Variants in TOX2 observed in about 807,000 individuals in gnomAD.
TOX2 encodes granulosa cell HMG box 1.
Under a neutral mutation model 47.4 loss-of-function variants are expected in TOX2, and 15 were observed. The ratio of observed to expected loss-of-function variants is 0.32; its 90% CI spans 0.21 to 0.49. The LOEUF is 0.49. Among genes scored for constraint, TOX2 ranks in the 20% least tolerant of loss-of-function variants. The pLI, the probability that TOX2 is intolerant of heterozygous loss-of-function variation, is 0.99. For synonymous variants in TOX2, 290 were observed against 296.6 expected, an observed-to-expected ratio of 0.98 and a Z score of 0.23; for missense variants, 622 against 673.1, an observed-to-expected ratio of 0.92 and a Z score of 0.84.
rs564781737 is a variant in TOX2, at chr20:43,935,160, G to A, written c.99+20170G>A. On this transcript the variant is annotated intron_variant, in intron 1 of 8. Coordinates refer to ENST00000341197, the MANE Select transcript of TOX2 (RefSeq NM_001098797.2). The stretch of plus-strand genomic sequence containing the variant: ...TGAAGACAGATTGGGCTTGGGGTGC[G>A]TCAGGACCTTGTGGGGAGGATTCGG... Among the ~76,000 whole-genome samples, 19 of 152,238 alleles carry A rather than the reference G, an allele frequency of 1.2e-4. No individual in the cohort carries two copies. The East Asian group carries it at 1.4e-3, about 11-fold the overall frequency.
intron 1 of TOX2, among the ~76,000 whole-genome samples, chr20:43,953,213 C>T (rs1023207267): frequency 2.4e-5 from 3 of 124,330 alleles, no homozygotes; most frequent in Non-Finnish European, 5.2e-5. Context: ...AGACTTCGGG[C>T]TTTCCAGAAC....
At chr20:44,062,126 A>G (rs905655315) in intron 5 of TOX2, among the ~76,000 whole-genome samples, 5 of 152,002 alleles carry the variant, frequency 3.3e-5, no homozygotes, top group Admixed American at 2.0e-4. Context: ...GCAATCAGAC[A>G]AGAGAAAGAA....
chr20:43,925,823 T>A (rs563485248), intron 1 of TOX2, among the ~76,000 whole-genome samples: 2 of 152,292 alleles, frequency 1.3e-5, no homozygotes, highest in East Asian at 1.9e-4. Flanking sequence ...TTTGTCCCCA[T>A]TTTTTTAGGT....
chr20:43,966,207 G>A lies in TOX2; in HGVS notation c.100-7160G>A, dbSNP rs146747258. ...AAGTGAAGTTAAAGTCACTGAGCTC[G>A]TAAGTAGTGGAACCAGTCGTCAGAT... On this transcript the variant is annotated intron_variant, in intron 1 of 8. Transcript: ENST00000341197. 3.1e-3 allele frequency among the ~76,000 whole-genome samples: 472 copies of A among 152,298 alleles called. 4 individuals carry two copies. Among genetic ancestry groups the A allele is most frequent in the African/African-American group, 0.011 (445 of 41,568 alleles).
intron 2 of TOX2, among the ~76,000 whole-genome samples, chr20:43,973,700 C>T (rs771718072): frequency 9.8e-5 from 15 of 152,354 alleles, no homozygotes; most frequent in Admixed American, 4.6e-4. Context: ...ATACTCCCCA[C>T]GCTTGGGGCA....
intron 3 of TOX2, among the ~76,000 whole-genome samples, chr20:44,029,062 C>T (rs1194811436): frequency 6.6e-6 from 1 of 152,180 alleles, no homozygotes; most frequent in African/African-American, 2.4e-5. Flanking sequence ...CAAGCTTCGT[C>T]CCTTCCTTGG....
chr20:43,953,754 G>A (rs756011935), intron 1 of TOX2, among the ~76,000 whole-genome samples: 1 of 152,164 alleles, frequency 6.6e-6, no homozygotes, highest in African/African-American at 2.4e-5. Context: ...AGAGAAAGAG[G>A]TGGATCTTTG....
chr20:43,916,130 A>G lies in TOX2; in HGVS notation c.99+1140A>G, dbSNP rs2069052304. On this transcript the variant is annotated intron_variant, in intron 1 of 8. Transcript: ENST00000341197. The surrounding 1 kb of genome is among the most constrained non-coding windows in gnomAD (Gnocchi z 5.0). ...CTGGAGCCAAGCGCGGGTTTTCGTC[A>G]CTCGGAGCCCGGATTGAACAGCGCG... is the stretch of plus-strand genomic sequence containing the variant. The G allele has an allele frequency of 1.0e-6, 1 of 985,358 alleles. No individual in the cohort carries two copies. Among genetic ancestry groups the G allele is most frequent in the Non-Finnish European group, 1.2e-6 (1 of 829,964 alleles). 61.0% of individuals were successfully genotyped at this position (985,358 alleles called of 1,614,324 possible).
chr20:43,988,183 G>T (rs995829679), intron 2 of TOX2, among the ~76,000 whole-genome samples: 1 of 152,134 alleles, frequency 6.6e-6, no homozygotes, highest in Non-Finnish European at 1.5e-5. Flanking sequence ...CTCCCAAAGT[G>T]CTGGGATTAC....
chr20:43,964,774 G>A (rs956321016), intron 1 of TOX2, among the ~76,000 whole-genome samples: 5 of 152,138 alleles, frequency 3.3e-5, no homozygotes, highest in African/African-American at 9.7e-5. Context: ...TTTCTAGGGG[G>A]TTCCAGTGAG....
At chr20:43,936,426 C>T (rs1177169127) in intron 1 of TOX2, among the ~76,000 whole-genome samples, 1 of 152,274 alleles carries the variant, frequency 6.6e-6, no homozygotes. Context: ...ATAACCATTT[C>T]ATTAAGCTCA....
rs6103551 is a variant in TOX2, at chr20:43,992,930, G to C, written c.166-13617G>C. On this transcript the variant is annotated intron_variant, in intron 2 of 8. Coordinates refer to ENST00000341197, the MANE Select transcript of TOX2 (RefSeq NM_001098797.2). ...TGATTTGCTGATCCGAACTGATTTA[G>C]GAATGTTGACATGTCCAAAACTGAG... is the stretch of plus-strand genomic sequence containing the variant. 7.9e-5 allele frequency among the ~76,000 whole-genome samples: 12 copies of C among 151,718 alleles called. No homozygotes were observed. In the East Asian group the frequency reaches 1.9e-3, roughly 24 times the overall value.
At chr20:44,064,645 T>C in intron 5 of TOX2, 132 bp from the exon 6 acceptor site, 1 of 799,770 alleles carries the variant, frequency 1.3e-6, no homozygotes, top group Non-Finnish European at 2.0e-6. Flanking sequence ...AGTGGCTGGC[T>C]GACTCAGCTT....
In TOX2 at chr20:44,052,020, G is replaced by A. The variant is rs186525703; in HGVS notation, c.651+475G>A. ...AAGGCCAGTGGGCGATTTCAGAGGTGTGGACGGCTTCAGCAAGGCCATCGG... is the reference window on the plus strand; with the variant it reads ...AAGGCCAGTGGGCGATTTCAGAGGTATGGACGGCTTCAGCAAGGCCATCGG... On this transcript the variant is annotated intron_variant, in intron 4 of 8. Coordinates refer to ENST00000341197, the MANE Select transcript of TOX2 (RefSeq NM_001098797.2). 7.2e-5 allele frequency among the ~76,000 whole-genome samples: 11 copies of A among 152,354 alleles called. No individual in the cohort carries two copies. The East Asian group carries it at 2.1e-3, about 29-fold the overall frequency.
chr20:44,043,126 G>A (rs2071360155), intron 3 of TOX2, among the ~76,000 whole-genome samples: 1 of 152,188 alleles, frequency 6.6e-6, no homozygotes. Context: ...GGACTTGGAT[G>A]TGGGAGTCTG....
chr20:44,031,769 G>A (rs1306184368), intron 3 of TOX2, among the ~76,000 whole-genome samples: 2 of 152,130 alleles, frequency 1.3e-5, no homozygotes, highest in African/African-American at 4.8e-5. Context: ...AGGAGGAGGT[G>A]GCATGTGCTT....
chr20:43,990,809 T>C (rs951423229), intron 2 of TOX2, among the ~76,000 whole-genome samples: 2 of 152,140 alleles, frequency 1.3e-5, no homozygotes, highest in African/African-American at 4.8e-5. Flanking sequence ...AGGACCATTC[T>C]CAGAGAACTT....
At chr20:44,059,207 A>C (rs1247347292) in intron 5 of TOX2, among the ~76,000 whole-genome samples, 1 of 152,216 alleles carries the variant, frequency 6.6e-6, no homozygotes, top group Non-Finnish European at 1.5e-5. Flanking sequence ...TGAAGGACAC[A>C]CTTAGAGAAA....
chr20:44,025,458 T>C (rs963602997), intron 3 of TOX2, among the ~76,000 whole-genome samples: 4 of 5,594 alleles, frequency 7.2e-4, no homozygotes, highest in African/African-American at 3.2e-3. Context: ...CACCAACCGA[T>C]GTTCCCAGCA....
Sources: gnomAD v4.1 joint callset for allele counts (sites outside exome capture counted in the v4.1 genomes callset) on GRCh38, gnomAD v4.1.1 for gene constraint, Gnocchi (gnomAD v3.1) non-coding constraint, MANE v1.5 for transcripts, NCBI Gene and HGNC (gene_info 2026-07-23, HGNC 2026-07-21) for gene names.